Variants in NCALD observed in about 807,000 individuals in gnomAD.
The protein encoded by NCALD is neurocalcin delta, also known as neurocalcin-delta.
NCALD carries 10 observed loss-of-function variants against 18.6 expected under a neutral mutation model. The ratio of observed to expected loss-of-function variants is 0.54; its 90% confidence interval spans 0.33 to 0.91. The LOEUF is 0.91. NCALD is among the 40% of genes least tolerant of loss of function. The probability of loss-of-function intolerance (pLI) is 0.03; values close to 1 mark genes in which losing one functional copy is unlikely to be tolerated. For missense variants in NCALD, 184 were observed against 247.6 expected (o/e 0.74, Z 1.72); for synonymous variants, 88 against 87.4 (o/e 1.01, Z -0.04).
intron 2 of NCALD, among the ~76,000 whole-genome samples, chr8:101,700,354 G>A (rs1465493606): frequency 1.3e-5 from 2 of 152,062 alleles, no homozygotes; most frequent in Non-Finnish European, 2.9e-5. Context: ...GTGCCTGGCC[G>A]CTCTCTCTTA....
intron 4 of NCALD, among the ~76,000 whole-genome samples, chr8:101,859,825 A>AT (rs1427456465): frequency 6.6e-6 from 1 of 152,178 alleles, no homozygotes; most frequent in Non-Finnish European, 1.5e-5. Context: ...AAACAGTAAC[A>AT]TAAGAACATT....
intron 4 of NCALD, among the ~76,000 whole-genome samples, chr8:101,855,327 T>C (rs1290387924): frequency 6.6e-6 from 1 of 152,164 alleles, no homozygotes; most frequent in Non-Finnish European, 1.5e-5. Flanking sequence ...GCCAGAGCAC[T>C]AGATTGCTCA....
At chr8:101,901,093 T>A (rs1439551320) in intron 3 of NCALD, among the ~76,000 whole-genome samples, 2 of 152,120 alleles carry the variant, frequency 1.3e-5, no homozygotes, top group Non-Finnish European at 2.9e-5. Context: ...TTTATCATTA[T>A]ATAATATCTC....
intron 4 of NCALD, among the ~76,000 whole-genome samples, chr8:101,859,212 C>T (rs1331809011): frequency 2.0e-5 from 3 of 152,260 alleles, no homozygotes; most frequent in South Asian, 4.2e-4. Flanking sequence ...TTCCTGCCCT[C>T]GAACATCAGA....
intron 2 of NCALD, among the ~76,000 whole-genome samples, chr8:101,965,319 G>A (rs1269901429): frequency 6.6e-6 from 1 of 152,178 alleles, no homozygotes; most frequent in African/African-American, 2.4e-5. Context: ...GCATACATAT[G>A]TTTATTGCAG....
At chr8:102,036,610 A>G (rs1421022573) in intron 1 of NCALD, among the ~76,000 whole-genome samples, 3 of 152,106 alleles carry the variant, frequency 2.0e-5, no homozygotes, top group Non-Finnish European at 2.9e-5. Flanking sequence ...CCCCATTTCT[A>G]CTAAAAATAC....
intron 1 of NCALD, among the ~76,000 whole-genome samples, chr8:102,099,589 C>T (rs1825207839): frequency 6.6e-6 from 1 of 151,396 alleles, no homozygotes; most frequent in Non-Finnish European, 1.5e-5. Flanking sequence ...CCATGTGCTT[C>T]TGTCAGATAA....
chr8:102,052,216 C>A (rs1018941897), intron 1 of NCALD, among the ~76,000 whole-genome samples: 1 of 152,166 alleles, frequency 6.6e-6, no homozygotes, highest in Admixed American at 6.5e-5. Context: ...GTGTTGATAA[C>A]ATGTGCTGCA....
chr8:102,094,703 T>C (rs1825032156), intron 1 of NCALD, among the ~76,000 whole-genome samples: 1 of 152,228 alleles, frequency 6.6e-6, no homozygotes, highest in Admixed American at 6.5e-5. Flanking sequence ...AAAGTCCTGA[T>C]AGATGTAATC....
chr8:101,892,298 GGGTCCTGTCTGTTAGAA>G (rs1307401936), intron 3 of NCALD, among the ~76,000 whole-genome samples: 1 of 146,180 alleles, frequency 6.8e-6, no homozygotes, highest in African/African-American at 2.7e-5. Flanking sequence ...CTGCAGCTGA[GGGTCCTGTCTGTTAGAA>G]GGAAAACTAA....
At chr8:101,904,271 G>A (rs1817536826) in intron 3 of NCALD, among the ~76,000 whole-genome samples, 1 of 152,104 alleles carries the variant, frequency 6.6e-6, no homozygotes. Context: ...AGCAAAGAAG[G>A]AGTATTTTCA....
intron 4 of NCALD, among the ~76,000 whole-genome samples, chr8:101,872,848 T>C (rs943596562): frequency 4.6e-5 from 7 of 152,168 alleles, no homozygotes; most frequent in African/African-American, 1.2e-4. Context: ...AGGAAGTGTA[T>C]TGAAGAATAT....
chr8:101,790,616 G>A (rs1222548316), intron 1 of NCALD, among the ~76,000 whole-genome samples: 2 of 152,292 alleles, frequency 1.3e-5, no homozygotes, highest in African/African-American at 2.4e-5. Flanking sequence ...TCTAAATAAT[G>A]TTATGTTAGC....
intron 4 of NCALD, among the ~76,000 whole-genome samples, chr8:101,882,938 A>C (rs536008503): frequency 3.3e-5 from 5 of 152,338 alleles, no homozygotes; most frequent in South Asian, 4.1e-4. Flanking sequence ...TGAAATAACA[A>C]CTTTTGAGAA....
intron 2 of NCALD, among the ~76,000 whole-genome samples, chr8:101,997,528 T>C (rs1374860359): frequency 3.9e-5 from 6 of 152,158 alleles, no homozygotes; most frequent in African/African-American, 1.4e-4. Flanking sequence ...AAAGACTTGA[T>C]GCAAAGTACT....
In NCALD at chr8:102,087,120, T is replaced by C. The variant is rs550523698; in HGVS notation, c.-210+37117A>G. ...GAGTAGCCATTCTTCATTTCTTTAC[T>C]TTCCTAATAAACTTGCTTTCATTTT... On this transcript the variant is annotated intron_variant, in intron 1 of 6. Coordinates refer to the NCALD transcript ENST00000311028. 5.3e-5 allele frequency among the ~76,000 whole-genome samples: 8 copies of C among 152,232 alleles called. No homozygotes were observed. In the South Asian group the frequency reaches 1.7e-3, roughly 32 times the overall value.
intron 2 of NCALD, among the ~76,000 whole-genome samples, chr8:101,703,216 G>T (rs537815458): frequency 6.6e-6 from 1 of 151,672 alleles, no homozygotes; most frequent in African/African-American, 2.4e-5. Flanking sequence ...TGTCTTCCCA[G>T]TGGTTTCTAA....
At chr8:101,760,301 C>T (rs980072794) in intron 1 of NCALD, among the ~76,000 whole-genome samples, 1 of 152,190 alleles carries the variant, frequency 6.6e-6, no homozygotes, top group African/African-American at 2.4e-5. Flanking sequence ...TACCTCCAGG[C>T]CAGTGGGCTC....
chr8:101,771,194 G>A (rs1811572419), intron 1 of NCALD, among the ~76,000 whole-genome samples: 1 of 152,198 alleles, frequency 6.6e-6, no homozygotes, highest in Admixed American at 6.5e-5. Flanking sequence ...ACAAGGCAGA[G>A]CCTTGGCTAG....
Sources: allele counts gnomAD v4.1 joint callset (sites outside exome capture counted in the v4.1 genomes callset), GRCh38; gene constraint gnomAD v4.1.1; transcripts MANE v1.5; gene names NCBI Gene and HGNC (gene_info 2026-07-23, HGNC 2026-07-21).